The following SGCZ variants were observed in gnomAD, a reference collection of about 807,000 sequenced individuals.
SGCZ encodes the protein sarcoglycan zeta.
A neutral mutation model predicts 41.3 loss-of-function variants in SGCZ; 40 were observed. The ratio of observed to expected loss-of-function variants is 0.97; its 90% CI spans 0.75 to 1.26. SGCZ has a LOEUF of 1.26. SGCZ is among the 50% of genes most tolerant of loss of function. The probability of loss-of-function intolerance (pLI) is 0.00; values close to 1 mark genes in which losing one functional copy is unlikely to be tolerated. For synonymous variants in SGCZ, 206 were observed against 137.5 expected, an observed-to-expected ratio of 1.50 and a Z score of -3.49; for missense variants, 552 against 369.8, an observed-to-expected ratio of 1.49 and a Z score of -4.04.
At chr8:14,290,446 G>C (rs773819096) in intron 3 of SGCZ, among the ~76,000 whole-genome samples, 2 of 151,784 alleles carry the variant, frequency 1.3e-5, no homozygotes, top group African/African-American at 2.4e-5. Context: ...ATCTTATAAG[G>C]GGCTAATATC....
intron 1 of SGCZ, among the ~76,000 whole-genome samples, chr8:14,745,001 CTT>C (rs1403578590): frequency 3.3e-5 from 5 of 152,140 alleles, no homozygotes; most frequent in Non-Finnish European, 5.9e-5. Flanking sequence ...GACCCTAACA[CTT>C]AGCTCTCCAA....
chr8:14,527,768 G>C (rs1213002809), intron 2 of SGCZ, among the ~76,000 whole-genome samples: 5 of 152,170 alleles, frequency 3.3e-5, no homozygotes, highest in Non-Finnish European at 7.4e-5. Flanking sequence ...CCCCAGATTA[G>C]AGTATATTTC....
At chr8:14,124,710 C>T (rs989254609) in intron 5 of SGCZ, among the ~76,000 whole-genome samples, 24 of 152,204 alleles carry the variant, frequency 1.6e-4, no homozygotes, top group African/African-American at 5.5e-4. Context: ...AAGAAAGTTA[C>T]ATATTTAATA....
At chr8:15,084,781 G>C (rs115445137) in intron 1 of SGCZ, among the ~76,000 whole-genome samples, 1 of 151,972 alleles carries the variant, frequency 6.6e-6, no homozygotes, top group East Asian at 1.9e-4. Flanking sequence ...AGAAAGAAAA[G>C]AAATCAGGAT....
intron 1 of SGCZ, among the ~76,000 whole-genome samples, chr8:15,166,737 C>G (rs1403792912): frequency 2.0e-5 from 3 of 152,112 alleles, no homozygotes; most frequent in Non-Finnish European, 4.4e-5. Flanking sequence ...CTGCAACTAC[C>G]CTGCACATTT....
chr8:14,494,750 T>C (rs1371518291), intron 2 of SGCZ, among the ~76,000 whole-genome samples: 6 of 152,208 alleles, frequency 3.9e-5, no homozygotes, highest in Admixed American at 3.9e-4. Flanking sequence ...TGACTGTTTG[T>C]AACCAGAGGG....
At chr8:14,195,631 A>G (rs1172711136) in intron 4 of SGCZ, among the ~76,000 whole-genome samples, 1 of 152,184 alleles carries the variant, frequency 6.6e-6, no homozygotes, top group Non-Finnish European at 1.5e-5. Flanking sequence ...TCAGTGATGG[A>G]GTCAAAATTT....
chr8:14,599,604 G>T (rs1805522751), intron 1 of SGCZ, among the ~76,000 whole-genome samples: 1 of 152,020 alleles, frequency 6.6e-6, no homozygotes, highest in South Asian at 2.1e-4. Context: ...ACTGAATAAG[G>T]CTGGAAAATG....
At chr8:14,848,162 T>G (rs1205582470) in intron 1 of SGCZ, among the ~76,000 whole-genome samples, 1 of 152,110 alleles carries the variant, frequency 6.6e-6, no homozygotes, top group African/African-American at 2.4e-5. Context: ...ATATGGTAAA[T>G]AATGTTAGAC....
At chr8:15,233,342 A>G (rs1027018345) in intron 1 of SGCZ, among the ~76,000 whole-genome samples, 130 of 151,582 alleles carry the variant, frequency 8.6e-4, no homozygotes, top group Non-Finnish European at 1.5e-3. Flanking sequence ...AAAAAAAAAA[A>G]AAAGAAAGAA....
Position 14,088,102 on chromosome 8 carries a change from C to T in SGCZ, c.*2341G>A, listed in dbSNP as rs73213893. Among the ~76,000 whole-genome samples the T allele has an allele frequency of 0.013, 2,031 of 151,402 alleles. 15 individuals carry two copies. The highest frequency in any genetic ancestry group is 0.034 in the Middle Eastern group (10 of 292). ...TTTTTCATCTTTTCTCCTCTTATGA[C>T]ATATAATTTAAAATTTCATTTTTCT... is the stretch of plus-strand genomic sequence containing the variant. On this transcript the variant is annotated 3_prime_UTR_variant, in exon 8 of 8. Transcript: ENST00000382080.
At chr8:14,391,842 A>G (rs575600968) in intron 2 of SGCZ, among the ~76,000 whole-genome samples, 1 of 152,240 alleles carries the variant, frequency 6.6e-6, no homozygotes, top group African/African-American at 2.4e-5. Flanking sequence ...GAAGCTTTCA[A>G]TGGTGGAGCT....
intron 2 of SGCZ, among the ~76,000 whole-genome samples, chr8:14,366,350 A>G (rs888280627): frequency 1.2e-4 from 18 of 152,282 alleles, no homozygotes; most frequent in Admixed American, 9.8e-4. Flanking sequence ...TAAGCACAGG[A>G]AAAACTACCA....
At chr8:14,825,459 G>A (rs1802269721) in intron 1 of SGCZ, among the ~76,000 whole-genome samples, 1 of 152,108 alleles carries the variant, frequency 6.6e-6, no homozygotes, top group African/African-American at 2.4e-5. Flanking sequence ...AGTAATTTGT[G>A]CATTGTCAAG....
At chr8:14,937,376 T>G (rs555627023) in intron 1 of SGCZ, among the ~76,000 whole-genome samples, 1 of 152,126 alleles carries the variant, frequency 6.6e-6, no homozygotes, top group East Asian at 1.9e-4. Flanking sequence ...AATTTTGAAG[T>G]TTTAATTATT....
intron 2 of SGCZ, among the ~76,000 whole-genome samples, chr8:14,439,758 G>C (rs1800194610): frequency 1.3e-5 from 2 of 151,926 alleles, no homozygotes; most frequent in African/African-American, 2.4e-5. Flanking sequence ...AACAGAAATT[G>C]AGGGGAACTA....
chr8:15,005,559 G>A (rs541406677), intron 1 of SGCZ, among the ~76,000 whole-genome samples: 1 of 109,966 alleles, frequency 9.1e-6, no homozygotes, highest in East Asian at 2.2e-4. Context: ...TCGAACTCCT[G>A]ACCTCAGGTT....
At chr8:14,347,771 T>C (rs1309243118) in intron 2 of SGCZ, among the ~76,000 whole-genome samples, 1 of 152,054 alleles carries the variant, frequency 6.6e-6, no homozygotes, top group Non-Finnish European at 1.5e-5. Flanking sequence ...AGAACATCAA[T>C]GAGATTTCTA....
chr8:14,824,658 T>A (rs1356778562), intron 1 of SGCZ, among the ~76,000 whole-genome samples: 2 of 152,014 alleles, frequency 1.3e-5, no homozygotes, highest in Admixed American at 1.3e-4. Flanking sequence ...AAAATCTAAA[T>A]ATGAATTAAT....
Sources: allele counts gnomAD v4.1 joint callset (sites outside exome capture counted in the v4.1 genomes callset), GRCh38; gene constraint gnomAD v4.1.1; transcripts MANE v1.5; gene names NCBI Gene and HGNC (gene_info 2026-07-23, HGNC 2026-07-21).